The following KIRREL3 variants were observed in gnomAD, a reference collection of about 807,000 sequenced individuals.
The protein encoded by KIRREL3 is kin of IRRE-like protein 3.
Under a neutral mutation model 89.7 loss-of-function variants are expected in KIRREL3, and 36 were observed. The ratio of observed to expected loss-of-function variants is 0.40; its 90% confidence interval spans 0.31 to 0.53. The LOEUF (loss-of-function observed/expected upper bound fraction) is 0.53, where lower values mean the gene tolerates loss of function less well. Ranked by LOEUF, KIRREL3 falls within the 20% of genes least tolerant of loss-of-function variation. The pLI is 0.49. For missense variants in KIRREL3, 864 were observed against 1,056.6 expected (o/e 0.82, Z 2.53); for synonymous variants, 445 against 441.4 (o/e 1.01, Z -0.10).
At position 126,742,358 on chromosome 11, in the gene KIRREL3, T is replaced by C. The variant is rs1249144553; in HGVS notation, c.56-179446A>G. ...GAAGTGTGGTATTCTTAGGATAGTG[T>C]ATCCTAACCTGCTTGTGGTTCTAAT... On this transcript the variant is annotated intron_variant, in intron 1 of 16. Coordinates refer to ENST00000525144, the MANE Select transcript of KIRREL3 (RefSeq NM_032531.4). The surrounding 1 kb of genome is among the most constrained non-coding windows in gnomAD (Gnocchi z 5.3). Among the ~76,000 whole-genome samples the C allele has an allele frequency of 6.6e-6, 1 of 152,166 alleles. No individual in the cohort carries two copies.
chr11:126,918,158 TG>T lies in KIRREL3; in HGVS notation c.55+82296del, dbSNP rs1234433892. Among the ~76,000 whole-genome samples the T allele has an allele frequency of 1.3e-5, 2 of 152,182 alleles. No individual in the cohort carries two copies. Among genetic ancestry groups the T allele is most frequent in the African/African-American group, 2.4e-5 (1 of 41,444 alleles). On this transcript the variant is annotated intron_variant, in intron 1 of 16. Transcript: ENST00000525144. The surrounding 1 kb of genome is among the most constrained non-coding windows in gnomAD (Gnocchi z 6.5). Reference sequence around the variant, plus strand: ...TGAAGGACACACGACTTGAGGGAGATGGATGTTACTGAGGCAAAAGAAATGT... The same window carrying T: ...TGAAGGACACACGACTTGAGGGAGATGATGTTACTGAGGCAAAAGAAATGT...
chr11:126,858,816 C>T (rs1475281336), intron 1 of KIRREL3, among the ~76,000 whole-genome samples: 1 of 152,184 alleles, frequency 6.6e-6, no homozygotes, highest in African/African-American at 2.4e-5. Context: ...AGTCATAGTG[C>T]TATTTATGGC....
At chr11:126,695,151 A>G (rs1390493511) in intron 1 of KIRREL3, among the ~76,000 whole-genome samples, 1 of 152,208 alleles carries the variant, frequency 6.6e-6, no homozygotes, top group Non-Finnish European at 1.5e-5. Flanking sequence ...CAAAGCCGAA[A>G]GTATTTACTT....
rs1300458762 is a variant in KIRREL3 at position 126,607,707 on chromosome 11, T to C, written c.56-44795A>G. 1.3e-5 allele frequency among the ~76,000 whole-genome samples: 2 copies of C among 152,198 alleles called. No homozygotes were observed. Among genetic ancestry groups the C allele is most frequent in the Non-Finnish European group, 2.9e-5 (2 of 68,026 alleles). On this transcript the variant is annotated intron_variant, in intron 1 of 16. Transcript: ENST00000525144. This position sits in a 1 kb window ranked among gnomAD's most constrained non-coding sequence, Gnocchi z 6.6. The stretch of plus-strand genomic sequence containing the variant: ...ACTGCAAGAGCTTTATCTGGGTCCC[T>C]GCTGCTGTGTGGCCTTCTGCAATTA...
chr11:126,921,672 T>C (rs563898836), intron 1 of KIRREL3, among the ~76,000 whole-genome samples: 7 of 151,810 alleles, frequency 4.6e-5, no homozygotes, highest in Admixed American at 1.3e-4. Flanking sequence ...CTATTATCTA[T>C]CTGTAATCTA....
In KIRREL3 at chr11:126,429,986, T is replaced by G. The variant is rs1955069586; in HGVS notation, c.1697-698A>C. Among the ~76,000 whole-genome samples, 1 of 148,902 alleles carries G rather than the reference T, an allele frequency of 6.7e-6. No individual in the cohort carries two copies. The highest frequency in any genetic ancestry group is 2.1e-4 in the South Asian group (1 of 4,706). On this transcript the variant is annotated intron_variant, in intron 14 of 16. Transcript: ENST00000525144. This position sits in a 1 kb window ranked among gnomAD's most constrained non-coding sequence, Gnocchi z 5.2. ...CCCGTCTCTATTAAAAATCCAAAAA[T>G]TAGCTGGGCGTGGTGGTGGGTGCCT...
intron 1 of KIRREL3, among the ~76,000 whole-genome samples, chr11:126,584,984 T>C (rs997828268): frequency 2.6e-5 from 4 of 151,808 alleles, no homozygotes; most frequent in Non-Finnish European, 5.9e-5. Flanking sequence ...AGTGGCGCAA[T>C]CTCGGCTCAC....
At chr11:126,502,106 C>T (rs371544367) in intron 4 of KIRREL3, among the ~76,000 whole-genome samples, 16 of 152,200 alleles carry the variant, frequency 1.1e-4, no homozygotes, top group African/African-American at 2.4e-4. Context: ...ACAGATACTC[C>T]GGAAGCTAAC....
At chr11:126,951,237 A>G (rs563604776) in intron 1 of KIRREL3, among the ~76,000 whole-genome samples, 46 of 152,220 alleles carry the variant, frequency 3.0e-4, no homozygotes, top group Non-Finnish European at 4.9e-4. Context: ...AAAACAGAAG[A>G]AACAGAAAAG....
rs981170006 is a variant in KIRREL3, at chr11:126,985,787, G to C, written c.55+14668C>G. Among the ~76,000 whole-genome samples the C allele has an allele frequency of 6.6e-6, 1 of 152,194 alleles. No individual in the cohort carries two copies. The highest frequency in any genetic ancestry group is 2.4e-5 in the African/African-American group (1 of 41,458). On this transcript the variant is annotated intron_variant, in intron 1 of 16. Coordinates refer to ENST00000525144, the MANE Select transcript of KIRREL3 (RefSeq NM_032531.4). This position sits in a 1 kb window ranked among gnomAD's most constrained non-coding sequence, Gnocchi z 5.3. Reference sequence around the variant, plus strand: ...ATAGCGAACTCTGTGCAAAGCTGATGATTTGGTTATTGTCACAGCGGAGCT... The same window carrying C: ...ATAGCGAACTCTGTGCAAAGCTGATCATTTGGTTATTGTCACAGCGGAGCT...
In KIRREL3 at chr11:126,522,344, A is replaced by G. The variant is rs912992351; in HGVS notation, c.284-880T>C. 6.6e-6 allele frequency among the ~76,000 whole-genome samples: 1 copy of G among 152,200 alleles called. No individual in the cohort carries two copies. The highest frequency in any genetic ancestry group is 6.5e-5 in the Admixed American group (1 of 15,286). On this transcript the variant is annotated intron_variant, in intron 3 of 16. Transcript: ENST00000525144. This position sits in a 1 kb window ranked among gnomAD's most constrained non-coding sequence, Gnocchi z 6.0. Reference sequence around the variant, plus strand: ...GGAAAAGGATCAAGAGTGACTTTGCAAAAATTTTGTTTCAGGATGGACAGG... The same window carrying G: ...GGAAAAGGATCAAGAGTGACTTTGCGAAAATTTTGTTTCAGGATGGACAGG...
chr11:126,973,456 G>A (rs1016496844), intron 1 of KIRREL3, among the ~76,000 whole-genome samples: 1 of 152,170 alleles, frequency 6.6e-6, no homozygotes, highest in African/African-American at 2.4e-5. Flanking sequence ...AAGAGTTCTG[G>A]CTGCTGCTGA....
rs1441460148 is a variant in KIRREL3 at position 126,508,466 on chromosome 11, G to T, written c.433+12849C>A. Among the ~76,000 whole-genome samples, 2 of 152,168 alleles carry T rather than the reference G, an allele frequency of 1.3e-5. No homozygotes were observed. The highest frequency in any genetic ancestry group is 2.9e-5 in the Non-Finnish European group (2 of 68,040). On this transcript the variant is annotated intron_variant, in intron 4 of 16. Transcript: ENST00000525144. The surrounding 1 kb of genome is among the most constrained non-coding windows in gnomAD (Gnocchi z 4.9). Reference sequence around the variant, plus strand: ...CAGGTCCATCTGAGGAGGAGGGGCTGCCAGGAAGGGTTTTTGGAAGCCTTG... The same window carrying T: ...CAGGTCCATCTGAGGAGGAGGGGCTTCCAGGAAGGGTTTTTGGAAGCCTTG...
intron 7 of KIRREL3, among the ~76,000 whole-genome samples, chr11:126,453,918 C>T (rs930187417): frequency 3.3e-5 from 5 of 152,114 alleles, no homozygotes; most frequent in South Asian, 4.1e-4. Flanking sequence ...TAGGAGGGGC[C>T]GGCTGTGATA....
intron 1 of KIRREL3, among the ~76,000 whole-genome samples, chr11:126,631,159 TCATTCTG>T (rs1944009507): frequency 2.0e-5 from 3 of 151,608 alleles, no homozygotes; most frequent in Non-Finnish European, 4.4e-5. Flanking sequence ...ATTCATTCAT[TCATTCTG>T]CTATGTATTC....
At chr11:126,448,948 G>C (rs1300817706) in intron 8 of KIRREL3, 61 bp downstream of exon 8, 1 of 1,513,044 alleles carries the variant, frequency 6.6e-7, no homozygotes, top group Non-Finnish European at 8.9e-7. Context: ...GGTTTCTCCA[G>C]CTCTAAGCAG....
At position 126,541,992 on chromosome 11, in the gene KIRREL3, T is replaced by C. The variant is rs1422110318; in HGVS notation, c.134-15305A>G. Among the ~76,000 whole-genome samples, 2 of 152,154 alleles carry C rather than the reference T, an allele frequency of 1.3e-5. No individual in the cohort carries two copies. Among genetic ancestry groups the C allele is most frequent in the Non-Finnish European group, 2.9e-5 (2 of 68,028 alleles). The stretch of plus-strand genomic sequence containing the variant: ...CTGAGGCAGCGCGGGAAGGACCGAG[T>C]CCTGCCCTCGGCAGCCCTGCAGCGG... On this transcript the variant is annotated intron_variant, in intron 2 of 16. Transcript: ENST00000525144. This position sits in a 1 kb window ranked among gnomAD's most constrained non-coding sequence, Gnocchi z 4.8.
chr11:126,467,317 G>T (rs573630172), intron 5 of KIRREL3, among the ~76,000 whole-genome samples: 1 of 152,230 alleles, frequency 6.6e-6, no homozygotes, highest in Non-Finnish European at 1.5e-5. Flanking sequence ...CGGCCTGGGA[G>T]GCCGGTCTTC....
chr11:126,788,340 C>G lies in KIRREL3; in HGVS notation c.55+212115G>C, dbSNP rs367773435. Among the ~76,000 whole-genome samples the G allele has an allele frequency of 1.6e-3, 240 of 152,332 alleles. 7 individuals are homozygous for G. The South Asian group carries it at 0.047, about 30-fold the overall frequency. Reference sequence around the variant, plus strand: ...ATATGGTTTTTCCCACTGTGCTACTCAGACAGGGTATGCAAGTTGCATTTG... The same window carrying G: ...ATATGGTTTTTCCCACTGTGCTACTGAGACAGGGTATGCAAGTTGCATTTG... On this transcript the variant is annotated intron_variant, in intron 1 of 16. Coordinates refer to ENST00000525144, the MANE Select transcript of KIRREL3 (RefSeq NM_032531.4). The surrounding 1 kb of genome is among the most constrained non-coding windows in gnomAD (Gnocchi z 4.1).
Sources: gnomAD v4.1 joint callset for allele counts (sites outside exome capture counted in the v4.1 genomes callset) on GRCh38, gnomAD v4.1.1 for gene constraint, Gnocchi (gnomAD v3.1) non-coding constraint, MANE v1.5 for transcripts, NCBI Gene and HGNC (gene_info 2026-07-23, HGNC 2026-07-21) for gene names.